SEMA3E: variants seen among roughly 807,000 people sequenced by gnomAD.
The protein encoded by SEMA3E is semaphorin-3E.
Under a neutral mutation model 93.6 loss-of-function variants are expected in SEMA3E, and 49 were observed. That is an observed-to-expected ratio of 0.52 (90% CI 0.42 to 0.66). SEMA3E has a LOEUF of 0.66. Among genes scored for constraint, SEMA3E ranks in the 30% least tolerant of loss-of-function variants. SEMA3E has a pLI of 0.00. For synonymous variants in SEMA3E, 363 were observed against 330.7 expected, an observed-to-expected ratio of 1.10 and a Z score of -1.06; for missense variants, 906 against 964.8, an observed-to-expected ratio of 0.94 and a Z score of 0.81.
chr7:83,488,405 G>A (rs1295676401), intron 2 of SEMA3E, among the ~76,000 whole-genome samples: 1 of 151,966 alleles, frequency 6.6e-6, no homozygotes, highest in East Asian at 1.9e-4. Flanking sequence ...ATTAAAGAAG[G>A]GATTCCAAAC....
At chr7:83,641,149 G>A (rs1393582644) in intron 1 of SEMA3E, among the ~76,000 whole-genome samples, 1 of 152,066 alleles carries the variant, frequency 6.6e-6, no homozygotes, top group Admixed American at 6.5e-5. Flanking sequence ...ATGCTAAAGG[G>A]GCTATAAATA....
At chr7:83,454,527 C>G (rs1789442743) in intron 4 of SEMA3E, among the ~76,000 whole-genome samples, 1 of 151,806 alleles carries the variant, frequency 6.6e-6, no homozygotes, top group South Asian at 2.1e-4. Context: ...AGGCACATTT[C>G]AGTCACATAA....
rs1337674923 is a variant in SEMA3E, at chr7:83,639,137, AAAAC to A, written c.115+9287_115+9290del. ...AAAAAAAAAAAAAAAAAAAAAAAAA[AAAAC>A]AGAGATTCCTGAGCCTCAGAATTAT... On this transcript the variant is annotated intron_variant, in intron 1 of 16. Coordinates refer to ENST00000643230, the MANE Select transcript of SEMA3E (RefSeq NM_012431.3). Among the ~76,000 whole-genome samples, 119 of 134,082 alleles carry A rather than the reference AAAAC, an allele frequency of 8.9e-4. 12 individuals are homozygous for A. Among genetic ancestry groups the A allele is most frequent in the East Asian group, 2.4e-3 (8 of 3,374 alleles). 88.0% of individuals were successfully genotyped at this position (134,082 alleles called of 152,430 possible). A position where few individuals can be genotyped will look rare whatever the true frequency, so the allele number is the denominator to read the frequency against.
At chr7:83,617,256 C>T (rs1793389404) in intron 1 of SEMA3E, among the ~76,000 whole-genome samples, 1 of 151,224 alleles carries the variant, frequency 6.6e-6, no homozygotes, top group Admixed American at 6.6e-5. Context: ...TAATCCTCCT[C>T]TGAGAATGAC....
intron 4 of SEMA3E, among the ~76,000 whole-genome samples, chr7:83,427,893 G>C (rs1001362281): frequency 1.3e-5 from 2 of 152,164 alleles, no homozygotes; most frequent in Non-Finnish European, 2.9e-5. Flanking sequence ...TATTATCTCT[G>C]TTTTAACAGC....
rs191628619 is a variant in SEMA3E, at chr7:83,427,163, C to T, written c.457-8680G>A. 4.2e-3 allele frequency among the ~76,000 whole-genome samples: 638 copies of T among 151,558 alleles called. 7 individuals carry two copies. The highest frequency in any genetic ancestry group is 0.014 in the African/African-American group (574 of 41,334). On this transcript the variant is annotated intron_variant, in intron 4 of 16. Coordinates refer to ENST00000643230, the MANE Select transcript of SEMA3E (RefSeq NM_012431.3). Reference sequence around the variant, plus strand: ...TTTGCTAACTAAGGATTCCCTTTTCCCATATGACTTTTCTTTCTTCCTTCC... The same window carrying T: ...TTTGCTAACTAAGGATTCCCTTTTCTCATATGACTTTTCTTTCTTCCTTCC...
At chr7:83,396,952 G>A (rs1788135210) in intron 11 of SEMA3E, among the ~76,000 whole-genome samples, 1 of 151,714 alleles carries the variant, frequency 6.6e-6, no homozygotes, top group South Asian at 2.1e-4. Flanking sequence ...CATGGTGGTG[G>A]GCACCTGTAA....
intron 1 of SEMA3E, among the ~76,000 whole-genome samples, chr7:83,547,202 C>T (rs1350945928): frequency 6.6e-6 from 1 of 152,004 alleles, no homozygotes; most frequent in African/African-American, 2.4e-5. Flanking sequence ...CTGAATAACA[C>T]CTTTTGGTAA....
chr7:83,567,866 C>A (rs1792195943), intron 1 of SEMA3E, among the ~76,000 whole-genome samples: 2 of 151,530 alleles, frequency 1.3e-5, no homozygotes, highest in South Asian at 4.2e-4. Flanking sequence ...CAATATTAAA[C>A]CAAACCTCAA....
At chr7:83,493,667 C>T (rs939395240) in intron 1 of SEMA3E, among the ~76,000 whole-genome samples, 1 of 151,862 alleles carries the variant, frequency 6.6e-6, no homozygotes, top group African/African-American at 2.4e-5. Context: ...TTCAACAAAA[C>T]AGTGACAACA....
At position 83,530,144 on chromosome 7, in the gene SEMA3E, G is replaced by A. The variant is rs1025297489; in HGVS notation, c.116-39870C>T. On this transcript the variant is annotated intron_variant, in intron 1 of 16. Transcript: ENST00000643230. ...CAGTGGGCACAGATCTAGATTTAAT[G>A]TTGTTGATTGTTTACTATAAGGTTC... is the stretch of plus-strand genomic sequence containing the variant. 1.3e-5 allele frequency among the ~76,000 whole-genome samples: 2 copies of A among 152,106 alleles called. 1 individual carries two copies. The highest frequency in any genetic ancestry group is 6.3e-3 in the Middle Eastern group (2 of 316).
rs968382970 is a variant in SEMA3E, at chr7:83,365,590, A to G, written c.*1996T>C. On this transcript the variant is annotated 3_prime_UTR_variant, in exon 17 of 17. Transcript: ENST00000643230. ...ATAGAAAAGCTATTTTCCTCTGCCTATTGCTTCAGTTACCAAATATTTAGT... is the reference window on the plus strand; with the variant it reads ...ATAGAAAAGCTATTTTCCTCTGCCTGTTGCTTCAGTTACCAAATATTTAGT... 2 of 152,112 alleles carry G rather than the reference A, an allele frequency of 1.3e-5. No homozygotes were observed. The highest frequency in any genetic ancestry group is 2.9e-5 in the Non-Finnish European group (2 of 68,006). The allele number at this position is 152,112 out of a possible 1,614,324, so 9.4% of individuals were successfully genotyped here.
intron 4 of SEMA3E, among the ~76,000 whole-genome samples, chr7:83,446,331 T>C (rs958528533): frequency 6.6e-6 from 1 of 152,206 alleles, no homozygotes; most frequent in Non-Finnish European, 1.5e-5. Flanking sequence ...CTTACAATTG[T>C]CTCTAATGAT....
intron 4 of SEMA3E, among the ~76,000 whole-genome samples, chr7:83,437,250 T>C (rs1789023214): frequency 6.6e-6 from 1 of 152,150 alleles, no homozygotes; most frequent in Non-Finnish European, 1.5e-5. Context: ...ATAATAATAA[T>C]AAAGTTTGAT....
chr7:83,540,341 G>A (rs557388425), intron 1 of SEMA3E, among the ~76,000 whole-genome samples: 1 of 152,294 alleles, frequency 6.6e-6, no homozygotes, highest in East Asian at 1.9e-4. Flanking sequence ...TTATTTTGAT[G>A]TATTATATCA....
intron 4 of SEMA3E, among the ~76,000 whole-genome samples, chr7:83,453,417 T>C (rs1181212798): frequency 9.6e-6 from 1 of 104,560 alleles, no homozygotes; most frequent in Non-Finnish European, 2.1e-5. Context: ...CCATTCTCCC[T>C]ACTGAAAAAA....
At chr7:83,519,094 T>A (rs1445873349) in intron 1 of SEMA3E, among the ~76,000 whole-genome samples, 1 of 152,118 alleles carries the variant, frequency 6.6e-6, no homozygotes, top group Admixed American at 6.6e-5. Flanking sequence ...TAGCATTAGG[T>A]ATATCTCCTA....
intron 1 of SEMA3E, among the ~76,000 whole-genome samples, chr7:83,547,524 C>A (rs1174413831): frequency 6.6e-6 from 1 of 152,028 alleles, no homozygotes; most frequent in African/African-American, 2.4e-5. Flanking sequence ...CATTTCACAG[C>A]CTAAATAAGG....
At position 83,484,222 on chromosome 7, in the gene SEMA3E, C is replaced by T. The variant is rs541473731; in HGVS notation, c.276+5892G>A. On this transcript the variant is annotated intron_variant, in intron 2 of 16. Coordinates refer to ENST00000643230, the MANE Select transcript of SEMA3E (RefSeq NM_012431.3). Reference sequence around the variant, plus strand: ...GGAAAATATTTTCACTGACCACTCTCGCCTTCTCACTAATTTTTTCCTCTC... The same window carrying T: ...GGAAAATATTTTCACTGACCACTCTTGCCTTCTCACTAATTTTTTCCTCTC... Among the ~76,000 whole-genome samples, 17 of 152,250 alleles carry T rather than the reference C, an allele frequency of 1.1e-4. No homozygotes were observed. The East Asian group carries it at 2.7e-3, about 24-fold the overall frequency.
Sources: allele counts gnomAD v4.1 joint callset (sites outside exome capture counted in the v4.1 genomes callset), GRCh38; gene constraint gnomAD v4.1.1; transcripts MANE v1.5; gene names NCBI Gene and HGNC (gene_info 2026-07-23, HGNC 2026-07-21).